Variants in NKX2-3 observed in about 807,000 individuals in gnomAD.
NKX2-3 encodes the protein homeobox protein Nkx-2.3.
Under a neutral mutation model 14.2 loss-of-function variants are expected in NKX2-3, and 3 were observed. That is an observed-to-expected ratio of 0.21 (90% CI 0.10 to 0.55). The LOEUF is 0.55. NKX2-3 is among the 20% of genes least tolerant of loss of function. The pLI is 0.94. For synonymous variants in NKX2-3, 276 were observed against 234.2 expected, an observed-to-expected ratio of 1.18 and a Z score of -1.63; for missense variants, 511 against 514.5, an observed-to-expected ratio of 0.99 and a Z score of 0.06.
chr10:99,534,700 A>G (rs764723523), intron 1 of NKX2-3, among the ~76,000 whole-genome samples: 3 of 152,258 alleles, frequency 2.0e-5, no homozygotes, highest in Non-Finnish European at 4.4e-5. Context: ...CGAGCCGCAT[A>G]TTTAATACAG....
intron 1 of NKX2-3, 62 bp downstream of exon 1, chr10:99,533,551 A>G: frequency 7.8e-7 from 1 of 1,278,516 alleles, no homozygotes; most frequent in Non-Finnish European, 1.1e-6. Context: ...GCGCACACAA[A>G]CAGCCCACAG....
At position 99,535,373 on chromosome 10, in the gene NKX2-3, C is replaced by T. The variant is rs2033956784; in HGVS notation, c.747C>T (p.Pro249=). ...CCAGCGCGCAGGCCTACGGCGCGCC[C>T]TACAGCGTGGGCGCCAGCGCCTACT... ...VTPSAQAYGA[P]YSVGASAYSY... Residue 249 remains proline (P), a synonymous_variant, in exon 2 of 2, where the codon CCC becomes CCT. Transcript: ENST00000344586. The T allele has an allele frequency of 6.9e-7, 1 of 1,455,130 alleles. No homozygotes were observed. The highest frequency in any genetic ancestry group is 2.9e-5 in the East Asian group (1 of 34,720). 90.1% of individuals were successfully genotyped at this position (1,455,130 alleles called of 1,614,324 possible).
In NKX2-3 at chr10:99,535,240, G is replaced by A. The variant is rs369954020; in HGVS notation, c.614G>A (p.Arg205Lys). 1.6e-5 allele frequency: 25 copies of A among 1,612,122 alleles called. No individual in the cohort carries two copies. The highest frequency in any genetic ancestry group is 2.0e-5 in the Non-Finnish European group (24 of 1,179,538). The change falls in exon 2 of 2, where the codon AGA becomes AAA. Residue 205 changes from arginine (R) to lysine (K), a missense_variant. Arg to Lys is a conservative substitution (Grantham distance 26). This residue lies in a region of NKX2-3 where 264 missense variants were observed against 254.7 expected (regional missense o/e 1.04). Coordinates refer to ENST00000344586, the MANE Select transcript of NKX2-3 (RefSeq NM_145285.3). ...CAGAATCGCAGGTACAAGTGCAAGAGACAGCGGCAGGACAAGTCTCTGGAG... is the reference window on the plus strand; with the variant it reads ...CAGAATCGCAGGTACAAGTGCAAGAAACAGCGGCAGGACAAGTCTCTGGAG... ...WFQNRRYKCKRQRQDKSLELG... is the reference protein window; with the variant it reads ...WFQNRRYKCKKQRQDKSLELG...
intron 1 of NKX2-3, among the ~76,000 whole-genome samples, chr10:99,534,693 G>A (rs537197999): frequency 3.9e-5 from 6 of 152,340 alleles, no homozygotes; most frequent in Admixed American, 3.9e-4. Flanking sequence ...AGCACGTCGA[G>A]CCGCATATTT....
Position 99,535,662 on chromosome 10 carries a change from G to A in NKX2-3, c.1036G>A (p.Gly346Ser), listed in dbSNP as rs777388553. Reference sequence around the variant, plus strand: ...CGGCAGCGCACAGCCGTTGCACCAGGGTACTGCAGCCGGGGCCGCGTGCGC... The same window carrying A: ...CGGCAGCGCACAGCCGTTGCACCAGAGTACTGCAGCCGGGGCCGCGTGCGC... The part of the protein sequence containing the change: ...SGGSAQPLHQ[G>S]TAAGAACAQG... Residue 346 changes from glycine to serine, a missense_variant, in exon 2 of 2, where the codon GGT (glycine) becomes AGT (serine). This residue lies in a region of NKX2-3 where 264 missense variants were observed against 254.7 expected (regional missense o/e 1.04). Transcript: ENST00000344586. 1.3e-6 allele frequency: 2 copies of A among 1,537,614 alleles called. No individual in the cohort carries two copies. The highest frequency in any genetic ancestry group is 2.4e-5 in the South Asian group (2 of 84,008).
In NKX2-3 at chr10:99,536,200, A is replaced by T. The variant is rs575568344; in HGVS notation, c.*479A>T. 1 of 167,222 alleles carries T rather than the reference A, an allele frequency of 6.0e-6. No homozygotes were observed. The highest frequency in any genetic ancestry group is 1.9e-4 in the East Asian group (1 of 5,364). The allele number at this position is 167,222 out of a possible 1,614,324, so 10.4% of individuals were successfully genotyped here. A position where few individuals can be genotyped will look rare whatever the true frequency, so the allele number is the denominator to read the frequency against. Reference sequence around the variant, plus strand: ...TCCTCTGCCCCCTTTGCGGGCCTGGAGCGCCATAGCACAGTCGATTTCGTT... The same window carrying T: ...TCCTCTGCCCCCTTTGCGGGCCTGGTGCGCCATAGCACAGTCGATTTCGTT... On this transcript the variant is annotated 3_prime_UTR_variant, in exon 2 of 2. Coordinates refer to ENST00000344586, the MANE Select transcript of NKX2-3 (RefSeq NM_145285.3).
At position 99,535,032 on chromosome 10, in the gene NKX2-3, G is replaced by A; in HGVS notation, c.406G>A (p.Ala136Thr). 6 of 1,606,546 alleles carry A rather than the reference G, an allele frequency of 3.7e-6. No homozygotes were observed. Among genetic ancestry groups the A allele is most frequent in the Non-Finnish European group, 5.1e-6 (6 of 1,177,026 alleles). Residue 136 changes from alanine to threonine, a missense_variant, in exon 2 of 2, where the codon GCG (alanine) becomes ACG (threonine). Ala to Thr is a moderately conservative substitution (Grantham distance 58). Coordinates refer to ENST00000344586, the MANE Select transcript of NKX2-3 (RefSeq NM_145285.3). ...KSLETAGDCK[A>T]AEESERPKPR... is the part of the protein sequence containing the mutation. ...TCTAGAGACGGCCGGAGACTGCAAG[G>A]CGGCGGAGGAGAGCGAGAGGCCGAA...
At position 99,535,423 on chromosome 10, in the gene NKX2-3, G is replaced by T. The variant is rs969707759; in HGVS notation, c.797G>T (p.Gly266Val). 2.1e-6 allele frequency: 3 copies of T among 1,408,804 alleles called. No homozygotes were observed. In the African/African-American group the frequency reaches 4.6e-5, roughly 22 times the overall value. 87.3% of individuals were successfully genotyped at this position (1,408,804 alleles called of 1,614,324 possible). A position where few individuals can be genotyped will look rare whatever the true frequency, so the allele number is the denominator to read the frequency against. The change falls in exon 2 of 2, where the codon GGC becomes GTC. Residue 266 changes from glycine to valine, a missense_variant. Physicochemically the swap from Gly to Val is moderately radical, Grantham distance 109. This residue lies in a region of NKX2-3 where 264 missense variants were observed against 254.7 expected (regional missense o/e 1.04). Coordinates refer to ENST00000344586, the MANE Select transcript of NKX2-3 (RefSeq NM_145285.3). ...TCCTACAACAGCTTCCCCGCCTACG[G>T]CTATGGGAACTCGGCCGCGGCCGCC... is the stretch of plus-strand genomic sequence containing the variant. ...AYSYNSFPAYGYGNSAAAAAA... is the reference protein window; with the variant it reads ...AYSYNSFPAYVYGNSAAAAAA...
Position 99,535,583 on chromosome 10 carries a change from G to T in NKX2-3, c.957G>T (p.Ala319=), listed in dbSNP as rs1453080237. The T allele has an allele frequency of 2.0e-6, 3 of 1,501,488 alleles. No individual in the cohort carries two copies. Among genetic ancestry groups the T allele is most frequent in the African/African-American group, 1.5e-5 (1 of 68,648 alleles). 93.0% of individuals were successfully genotyped at this position (1,501,488 alleles called of 1,614,324 possible). ...CTGCCATGCAGCCCGCCTGCAGCGCGGCCGGAGGCGGCCCCTTTGTGAACG... is the reference window on the plus strand; with the variant it reads ...CTGCCATGCAGCCCGCCTGCAGCGCTGCCGGAGGCGGCCCCTTTGTGAACG... ...ATTAMQPACS[A]AGGGPFVNVS... Residue 319 remains alanine (A), a synonymous_variant, in exon 2 of 2, where the codon GCG becomes GCT. Coordinates refer to ENST00000344586, the MANE Select transcript of NKX2-3 (RefSeq NM_145285.3).
Position 99,536,032 on chromosome 10 carries a change from T to C in NKX2-3, c.*311T>C. ...TAGGACCCTGGCCGCGCTTGGTTCT[T>C]CCAAAGCGAGAAGGGCTTCTCTCCC... On this transcript the variant is annotated 3_prime_UTR_variant, in exon 2 of 2. Transcript: ENST00000344586. 2.7e-6 allele frequency: 1 copy of C among 364,620 alleles called. No individual in the cohort carries two copies. The highest frequency in any genetic ancestry group is 5.0e-6 in the Non-Finnish European group (1 of 201,778). 22.6% of individuals were successfully genotyped at this position (364,620 alleles called of 1,614,324 possible).
rs1306642832 is a variant in NKX2-3 at position 99,535,496 on chromosome 10, C to T, written c.870C>T (p.Ser290=). Residue 290 remains serine, a synonymous_variant, in exon 2 of 2, where the codon AGC becomes AGT. Transcript: ENST00000344586. ...AAAAAAAYSS[S]YGCAYPAGGG... The stretch of plus-strand genomic sequence containing the variant: ...CAGCAGCGGCGGCCTACAGCAGCAG[C>T]TATGGCTGTGCGTACCCGGCGGGCG... 74 of 1,236,932 alleles carry T rather than the reference C, an allele frequency of 6.0e-5. No individual in the cohort carries two copies. Among genetic ancestry groups the T allele is most frequent in the Non-Finnish European group, 7.5e-5 (74 of 986,284 alleles). The allele number at this position is 1,236,932 out of a possible 1,614,324, so 76.6% of individuals were successfully genotyped here.
intron 1 of NKX2-3, 127 bp from the exon 2 acceptor site, chr10:99,534,858 C>A: frequency 8.4e-7 from 1 of 1,192,092 alleles, no homozygotes; most frequent in South Asian, 1.6e-5. Flanking sequence ...CACAAACGTT[C>A]CCAAAAGTCC....
Position 99,536,006 on chromosome 10 carries a change from C to A in NKX2-3, c.*285C>A. 2.3e-6 allele frequency: 1 copy of A among 442,480 alleles called. No homozygotes were observed. 27.4% of individuals were successfully genotyped at this position (442,480 alleles called of 1,614,324 possible). A position where few individuals can be genotyped will look rare whatever the true frequency, so the allele number is the denominator to read the frequency against. ...CTGGCAGCGAGAGGAGACCAGGAGG[C>A]TAGGACCCTGGCCGCGCTTGGTTCT... is the stretch of plus-strand genomic sequence containing the variant. On this transcript the variant is annotated 3_prime_UTR_variant, in exon 2 of 2. Coordinates refer to ENST00000344586, the MANE Select transcript of NKX2-3 (RefSeq NM_145285.3).
rs2033966857 is a variant in NKX2-3, at chr10:99,535,993, G to A, written c.*272G>A. 1 of 490,172 alleles carries A rather than the reference G, an allele frequency of 2.0e-6. No homozygotes were observed. Among genetic ancestry groups the A allele is most frequent in the African/African-American group, 2.1e-5 (1 of 48,356 alleles). 30.4% of individuals were successfully genotyped at this position (490,172 alleles called of 1,614,324 possible). A position where few individuals can be genotyped will look rare whatever the true frequency, so the allele number is the denominator to read the frequency against. On this transcript the variant is annotated 3_prime_UTR_variant, in exon 2 of 2. Transcript: ENST00000344586. Reference sequence around the variant, plus strand: ...GATGGCCCCGACCCTGGCAGCGAGAGGAGACCAGGAGGCTAGGACCCTGGC... The same window carrying A: ...GATGGCCCCGACCCTGGCAGCGAGAAGAGACCAGGAGGCTAGGACCCTGGC...
intron 1 of NKX2-3, 92 bp from the exon 2 acceptor site, chr10:99,534,893 C>A: frequency 6.9e-7 from 1 of 1,450,378 alleles, no homozygotes; most frequent in Non-Finnish European, 9.2e-7. Flanking sequence ...GCACGCTCTG[C>A]GCAGCCACCA....
chr10:99,533,029 C>A lies in NKX2-3; in HGVS notation c.-103C>A. 1.2e-6 allele frequency: 1 copy of A among 809,630 alleles called. No individual in the cohort carries two copies. Among genetic ancestry groups the A allele is most frequent in the Non-Finnish European group, 2.0e-6 (1 of 497,966 alleles). The allele number at this position is 809,630 out of a possible 1,614,324, so 50.2% of individuals were successfully genotyped here. ...GGGACCGCGTCTGTCAAAAGCCCGA[C>A]TCGGCAGCAGCGGCGGAGTCCAGGA... On this transcript the variant is annotated 5_prime_UTR_variant, in exon 1 of 2. Transcript: ENST00000344586.
Position 99,533,552 on chromosome 10 carries a change from C to T in NKX2-3, c.358+63C>T, listed in dbSNP as rs938934166. ...GGAGCAATGGCAGAGCGCACACAAACAGCCCACAGACCTTGCCAGCGCAGC... is the reference window on the plus strand; with the variant it reads ...GGAGCAATGGCAGAGCGCACACAAATAGCCCACAGACCTTGCCAGCGCAGC... On this transcript the variant is annotated intron_variant, in intron 1 of 1. Transcript: ENST00000344586. 22 of 1,286,946 alleles carry T rather than the reference C, an allele frequency of 1.7e-5. No homozygotes were observed. The African/African-American group carries it at 2.7e-4, about 16-fold the overall frequency. The allele number at this position is 1,286,946 out of a possible 1,614,324, so 79.7% of individuals were successfully genotyped here.
In NKX2-3 at chr10:99,535,040, G is replaced by A. The variant is rs751126380; in HGVS notation, c.414G>A (p.Glu138=). The change falls in exon 2 of 2, where the codon GAG becomes GAA. Residue 138 remains glutamate, a synonymous_variant. Coordinates refer to ENST00000344586, the MANE Select transcript of NKX2-3 (RefSeq NM_145285.3). ...LETAGDCKAA[E]ESERPKPRSR... ...CGGCCGGAGACTGCAAGGCGGCGGA[G>A]GAGAGCGAGAGGCCGAAGCCACGCA... 3.1e-6 allele frequency: 5 copies of A among 1,606,870 alleles called. No individual in the cohort carries two copies. Among genetic ancestry groups the A allele is most frequent in the African/African-American group, 1.3e-5 (1 of 74,808 alleles).
intron 1 of NKX2-3, among the ~76,000 whole-genome samples, chr10:99,534,097 G>A (rs1432484238): frequency 6.6e-6 from 1 of 152,222 alleles, no homozygotes; most frequent in Non-Finnish European, 1.5e-5. Flanking sequence ...TGGGAACAAT[G>A]TCTATTCCGC....
Sources: gnomAD v4.1 joint callset for allele counts (sites outside exome capture counted in the v4.1 genomes callset) on GRCh38, gnomAD v4.1.1 for gene constraint, gnomAD v4.1.1 regional missense constraint, MANE v1.5 for transcripts, NCBI Gene and HGNC (gene_info 2026-07-23, HGNC 2026-07-21) for gene names.